Variants in DPH6 observed in about 807,000 individuals in gnomAD.
DPH6 encodes the protein diphthine--ammonia ligase.
Under a neutral mutation model 38.2 loss-of-function variants are expected in DPH6, and 33 were observed. That is an observed-to-expected ratio of 0.86 (90% CI 0.65 to 1.15). DPH6 has a LOEUF of 1.15. Ranked by LOEUF, DPH6 falls within the 50% of genes most tolerant of loss-of-function variation. The pLI is 0.00. For missense variants in DPH6, 325 were observed against 320.0 expected (o/e 1.02, Z -0.12); for synonymous variants, 108 against 103.0 (o/e 1.05, Z -0.30).
rs531201435 is a variant in DPH6, at chr15:35,493,796, C to T, written c.313-38976G>A. 8.5e-5 allele frequency among the ~76,000 whole-genome samples: 13 copies of T among 152,136 alleles called. No individual in the cohort carries two copies. In the South Asian group the frequency reaches 2.3e-3, roughly 27 times the overall value. ...GGTTTAGGAATGACAGCAGGGAGAG[C>T]GACTATGCACCTAGCATATAAACGG... On this transcript the variant is annotated intron_variant, in intron 3 of 8. Coordinates refer to ENST00000256538, the MANE Select transcript of DPH6 (RefSeq NM_080650.4).
chr15:35,506,435 G>C (rs1295307340), intron 3 of DPH6, among the ~76,000 whole-genome samples: 1 of 152,092 alleles, frequency 6.6e-6, no homozygotes, highest in South Asian at 2.1e-4. Context: ...GATTTCTGGG[G>C]AAGGGAAACA....
intron 3 of DPH6, among the ~76,000 whole-genome samples, chr15:35,342,952 A>G (rs1270879810): frequency 1.3e-5 from 2 of 152,156 alleles, no homozygotes; most frequent in Admixed American, 6.6e-5. Context: ...TCTCATCTAT[A>G]CTTTCACCCA....
intron 3 of DPH6, among the ~76,000 whole-genome samples, chr15:35,279,066 A>ATATATATATAT (rs3028680): frequency 1.0e-4 from 10 of 98,012 alleles, no homozygotes; most frequent in East Asian, 5.0e-4. Flanking sequence ...AAAAAAAAAA[A>ATATATATATAT]AAATATATAT....
At position 35,248,697 on chromosome 15, in the gene DPH6, T is replaced by C. The variant is rs72707096; in HGVS notation, n.201-28115A>G. Among the ~76,000 whole-genome samples the C allele has an allele frequency of 1.6e-3, 242 of 152,330 alleles. 1 individual carries two copies. The highest frequency in any genetic ancestry group is 4.1e-3 in the East Asian group (21 of 5,182). ...TATGCTTTTGTCAGTCTGTCTTTAT[T>C]GTAGGGGTGTCAGCCATGACCTTTA... On this transcript the variant is annotated intron_variant and non_coding_transcript_variant, in intron 3 of 3. Coordinates refer to the DPH6 transcript ENST00000560386.
chr15:35,441,704 A>G (rs556660546), intron 5 of DPH6, among the ~76,000 whole-genome samples: 1 of 152,294 alleles, frequency 6.6e-6, no homozygotes, highest in African/African-American at 2.4e-5. Flanking sequence ...AGAAATATCT[A>G]ATGTAGATGA....
chr15:35,271,028 G>A lies in DPH6; in HGVS notation n.201-50446C>T, dbSNP rs75824845. ...ACAAACTGCATGTTTTTAGTTATTG[G>A]TCTAATCAGATAGAGAGGATTTAGA... On this transcript the variant is annotated intron_variant and non_coding_transcript_variant, in intron 3 of 3. Coordinates refer to the DPH6 transcript ENST00000560386. Among the ~76,000 whole-genome samples, 755 of 152,264 alleles carry A rather than the reference G, an allele frequency of 5.0e-3. 6 individuals are homozygous for A. Among genetic ancestry groups the A allele is most frequent in the Middle Eastern group, 0.014 (4 of 294 alleles).
chr15:35,494,385 G>C (rs1014354832), intron 3 of DPH6, among the ~76,000 whole-genome samples: 2 of 151,972 alleles, frequency 1.3e-5, no homozygotes, highest in African/African-American at 4.8e-5. Flanking sequence ...TCAAAGCAAA[G>C]TATCTAGAGG....
At chr15:35,381,603 A>G (rs1285272151) in intron 7 of DPH6, among the ~76,000 whole-genome samples, 3 of 152,220 alleles carry the variant, frequency 2.0e-5, no homozygotes, top group Admixed American at 6.5e-5. Context: ...ACGAAAGTGC[A>G]ATGTCTAAAA....
intron 3 of DPH6, among the ~76,000 whole-genome samples, chr15:35,312,922 GC>G (rs1365105198): frequency 6.6e-6 from 1 of 152,098 alleles, no homozygotes; most frequent in Non-Finnish European, 1.5e-5. Context: ...GGTTACTACA[GC>G]TTCGTAGTAA....
downstream of DPH6, among the ~76,000 whole-genome samples, chr15:35,217,134 T>A (rs975733561): frequency 2.6e-5 from 4 of 152,316 alleles, no homozygotes; most frequent in African/African-American, 4.8e-5. Context: ...AAAAAATTTT[T>A]AAAAATAAAA....
intron 6 of DPH6, chr15:35,401,491 T>TA: frequency 1.3e-6 from 1 of 771,058 alleles, no homozygotes. Context: ...GGGCAGTGGC[T>TA]ATGGCAGGAG....
intron 3 of DPH6, among the ~76,000 whole-genome samples, chr15:35,224,806 T>C (rs2051469045): frequency 6.6e-6 from 1 of 152,216 alleles, no homozygotes; most frequent in African/African-American, 2.4e-5. Flanking sequence ...AAGGACACTT[T>C]GTACTTTGAA....
In DPH6 at chr15:35,272,593, T is replaced by C. The variant is rs377037972; in HGVS notation, n.201-52011A>G. 1.6e-4 allele frequency among the ~76,000 whole-genome samples: 24 copies of C among 151,908 alleles called. No homozygotes were observed. The East Asian group carries it at 4.1e-3, about 26-fold the overall frequency. On this transcript the variant is annotated intron_variant and non_coding_transcript_variant, in intron 3 of 3. Transcript: ENST00000560386. ...ATAATAAGTAACTTCTTGCTCTGAG[T>C]TCCTGTGAGATCTGATTGTTTAAAA...
the DPH6 span, among the ~76,000 whole-genome samples, chr15:35,187,425 T>C: frequency 6.6e-6 from 1 of 152,218 alleles, no homozygotes; most frequent in African/African-American, 2.4e-5. Flanking sequence ...AATGGATTAA[T>C]ATAACTACTC....
At chr15:35,539,334 A>G (rs2055217925) in intron 2 of DPH6, among the ~76,000 whole-genome samples, 1 of 152,242 alleles carries the variant, frequency 6.6e-6, no homozygotes, top group Non-Finnish European at 1.5e-5. Context: ...AGCCATTAAT[A>G]TAATGTTGAA....
chr15:35,349,886 C>T (rs993425573), intron 3 of DPH6, among the ~76,000 whole-genome samples: 4 of 152,116 alleles, frequency 2.6e-5, no homozygotes, highest in African/African-American at 4.8e-5. Context: ...ATTTTTGCAT[C>T]GACATTCATC....
At chr15:35,343,002 C>A (rs924636109) in intron 3 of DPH6, among the ~76,000 whole-genome samples, 4 of 152,134 alleles carry the variant, frequency 2.6e-5, no homozygotes, top group African/African-American at 9.7e-5. Flanking sequence ...GAAGCAAATT[C>A]CAGATTTCAT....
chr15:35,476,535 A>T (rs998475216), intron 3 of DPH6, among the ~76,000 whole-genome samples: 4 of 151,890 alleles, frequency 2.6e-5, no homozygotes, highest in Admixed American at 6.6e-5. Flanking sequence ...TAAAGTTTTT[A>T]AAAAATCCAC....
chr15:35,495,707 C>G (rs1361137119), intron 3 of DPH6, among the ~76,000 whole-genome samples: 1 of 152,090 alleles, frequency 6.6e-6, no homozygotes, highest in Non-Finnish European at 1.5e-5. Flanking sequence ...AAAATCCCAG[C>G]AGATTATTTT....
Sources: gnomAD v4.1 joint callset for allele counts (sites outside exome capture counted in the v4.1 genomes callset) on GRCh38, gnomAD v4.1.1 for gene constraint, MANE v1.5 for transcripts, NCBI Gene and HGNC (gene_info 2026-07-23, HGNC 2026-07-21) for gene names.